Variants in DSTYK observed in about 807,000 individuals in gnomAD.
DSTYK encodes the protein dual serine/threonine and tyrosine protein kinase.
In DSTYK, 34 loss-of-function variants were observed where a neutral mutation model predicts 98.7. The observed-to-expected ratio is 0.34, with a 90% CI of 0.26 to 0.46. DSTYK has a LOEUF of 0.46. Among genes scored for constraint, DSTYK ranks in the 20% least tolerant of loss-of-function variants. The probability of loss-of-function intolerance (pLI) is 1.00; values close to 1 mark genes in which losing one functional copy is unlikely to be tolerated. For missense variants in DSTYK, 962 were observed against 1,181.7 expected, an observed-to-expected ratio of 0.81 and a Z score of 2.73; for synonymous variants, 462 against 457.3, an observed-to-expected ratio of 1.01 and a Z score of -0.13.
chr1:205,169,839 G>A lies in DSTYK; in HGVS notation c.655-7C>T. 1 of 1,603,956 alleles carries A rather than the reference G, an allele frequency of 6.2e-7. No individual in the cohort carries two copies. The highest frequency in any genetic ancestry group is 8.5e-7 in the Non-Finnish European group (1 of 1,175,212). ...CTACCACAACGTCCACTTCCTGGAAGGGGAAGGGGGTCATATATCAGCGCC... is the reference window on the plus strand; with the variant it reads ...CTACCACAACGTCCACTTCCTGGAAAGGGAAGGGGGTCATATATCAGCGCC... On this transcript the variant is annotated splice_region_variant and splice_polypyrimidine_tract_variant and intron_variant, in intron 2 of 12. Coordinates refer to ENST00000367162, the MANE Select transcript of DSTYK (RefSeq NM_015375.3). This position sits in a 1 kb window ranked among gnomAD's most constrained non-coding sequence, Gnocchi z 4.0.
At chr1:205,180,013 C>T (rs1658349219) in intron 2 of DSTYK, among the ~76,000 whole-genome samples, 1 of 152,234 alleles carries the variant, frequency 6.6e-6, no homozygotes, top group African/African-American at 2.4e-5. Context: ...ACTGTGACTG[C>T]TGTCAGATTT....
At chr1:205,152,204 T>G (rs1657423909) in intron 10 of DSTYK, among the ~76,000 whole-genome samples, 1 of 152,194 alleles carries the variant, frequency 6.6e-6, no homozygotes, top group African/African-American at 2.4e-5. Flanking sequence ...TGAGAAGGAG[T>G]TTCGCTCTTG....
chr1:205,157,332 TTCCC>T lies in DSTYK; in HGVS notation c.2289_2292del (p.Gly764SerfsTer16). ...AGTCCCTGGCTGTGCAGGAAGCGGA[TTCCC>T]TCCACCACATCTAGTGCTATCTGCA... On this transcript the variant is annotated frameshift_variant, in exon 10 of 13. Transcript: ENST00000367162. LOFTEE classifies it high-confidence loss of function. The T allele has an allele frequency of 6.2e-7, 1 of 1,614,166 alleles. No individual in the cohort carries two copies. Among genetic ancestry groups the T allele is most frequent in the Non-Finnish European group, 8.5e-7 (1 of 1,180,024 alleles).
intron 1 of DSTYK, among the ~76,000 whole-genome samples, chr1:205,209,818 A>T (rs1659317619): frequency 6.6e-6 from 1 of 152,092 alleles, no homozygotes; most frequent in African/African-American, 2.4e-5. Flanking sequence ...ATTTGCTATG[A>T]GCATCTAAAT....
intron 2 of DSTYK, among the ~76,000 whole-genome samples, chr1:205,179,620 CAA>C (rs1201839853): frequency 2.1e-4 from 14 of 65,822 alleles, no homozygotes; most frequent in Non-Finnish European, 1.8e-4. Context: ...GAGTCCGTCT[CAA>C]AAAAAAAAAA....
intron 1 of DSTYK, among the ~76,000 whole-genome samples, chr1:205,199,123 G>T (rs1574797693): frequency 6.6e-6 from 1 of 152,108 alleles, no homozygotes; most frequent in South Asian, 2.1e-4. Flanking sequence ...TTAGACAAGT[G>T]AAAAGCAAAA....
chr1:205,187,898 T>C, intron 1 of DSTYK, 92 bp from the exon 2 acceptor site: 1 of 1,279,644 alleles, frequency 7.8e-7, no homozygotes, highest in Non-Finnish European at 1.1e-6. Flanking sequence ...AGAAATCCCA[T>C]GAGGAAGACA....
intron 10 of DSTYK, among the ~76,000 whole-genome samples, chr1:205,154,245 A>G (rs1217704577): frequency 6.6e-6 from 1 of 152,096 alleles, no homozygotes; most frequent in Non-Finnish European, 1.5e-5. Flanking sequence ...TAGGTCTATG[A>G]TGAAACTCCT....
At chr1:205,184,054 G>C (rs941699941) in intron 2 of DSTYK, among the ~76,000 whole-genome samples, 3 of 152,098 alleles carry the variant, frequency 2.0e-5, no homozygotes, top group Admixed American at 1.3e-4. Flanking sequence ...ACTATGCTGA[G>C]AGAAAGCTGA....
At chr1:205,183,550 T>G (rs185546179) in intron 2 of DSTYK, among the ~76,000 whole-genome samples, 3 of 152,372 alleles carry the variant, frequency 2.0e-5, no homozygotes, top group Admixed American at 2.0e-4. Context: ...TTTGATAATT[T>G]GACAGTTCAA....
intron 2 of DSTYK, among the ~76,000 whole-genome samples, chr1:205,180,350 GA>G (rs1232302101): frequency 6.6e-6 from 1 of 151,208 alleles, no homozygotes; most frequent in Non-Finnish European, 1.5e-5. Flanking sequence ...ACTTATGAGT[GA>G]GAACATGCAG....
intron 1 of DSTYK, among the ~76,000 whole-genome samples, chr1:205,197,240 C>T (rs1052262720): frequency 2.6e-5 from 4 of 151,670 alleles, no homozygotes; most frequent in African/African-American, 9.7e-5. Context: ...CTTGATTTGG[C>T]GAGCTGTATG....
chr1:205,204,041 G>A (rs1574803831), intron 1 of DSTYK, among the ~76,000 whole-genome samples: 1 of 152,186 alleles, frequency 6.6e-6, no homozygotes, highest in African/African-American at 2.4e-5. Context: ...TGGTTAGGGA[G>A]GCCATTTCCT....
At chr1:205,204,344 G>A (rs1033224267) in intron 1 of DSTYK, among the ~76,000 whole-genome samples, 3 of 151,930 alleles carry the variant, frequency 2.0e-5, no homozygotes, top group Non-Finnish European at 2.9e-5. Flanking sequence ...CTAGAGACTC[G>A]GGCCTAAATC....
chr1:205,209,717 G>A (rs1345473863), intron 1 of DSTYK, among the ~76,000 whole-genome samples: 1 of 143,232 alleles, frequency 7.0e-6, no homozygotes, highest in African/African-American at 2.5e-5. Flanking sequence ...ATTCCCAGTC[G>A]GATGTAGGAT....
chr1:205,159,485 G>C, intron 9 of DSTYK, 62 bp downstream of exon 9: 1 of 1,540,228 alleles, frequency 6.5e-7, no homozygotes, highest in Non-Finnish European at 8.8e-7. Context: ...AACAGGAGAG[G>C]ATGAGTGGCC....
rs61220458 is a variant in DSTYK at position 205,145,525 on chromosome 1, G to GT, written c.*2032dup. ...GATGTGCGACTCATCTTTGTTTTTT[G>GT]TTTTTTTTTTTGTTTTTTTTTGAGA... On this transcript the variant is annotated 3_prime_UTR_variant, in exon 13 of 13. Coordinates refer to ENST00000367162, the MANE Select transcript of DSTYK (RefSeq NM_015375.3). The GT allele has an allele frequency of 0.57, 70,788 of 124,824 alleles. 19,975 individuals are homozygous for GT. Among genetic ancestry groups the GT allele is most frequent in the Non-Finnish European group, 0.64 (37,798 of 58,892 alleles). The allele number at this position is 124,824 out of a possible 1,614,324, so 7.7% of individuals were successfully genotyped here.
At chr1:205,159,817 C>A (rs1040265597) in intron 8 of DSTYK, 138 bp from the exon 9 acceptor site, 2 of 1,097,450 alleles carry the variant, frequency 1.8e-6, no homozygotes, top group African/African-American at 3.2e-5. Context: ...CAGACAGAGC[C>A]CTCAGTACAG....
intron 1 of DSTYK, among the ~76,000 whole-genome samples, chr1:205,204,024 G>A (rs1473558907): frequency 6.6e-6 from 1 of 152,206 alleles, no homozygotes; most frequent in Non-Finnish European, 1.5e-5. Flanking sequence ...GGTGCAAAGA[G>A]CCACTGTGGT....
Sources: allele counts gnomAD v4.1 joint callset (sites outside exome capture counted in the v4.1 genomes callset), GRCh38; gene constraint gnomAD v4.1.1; non-coding constraint Gnocchi (gnomAD v3.1); transcripts MANE v1.5; gene names NCBI Gene and HGNC (gene_info 2026-07-23, HGNC 2026-07-21).